ADCY1: variants seen among roughly 807,000 people sequenced by gnomAD.
ADCY1 encodes the protein adenylate cyclase 1.
Under a neutral mutation model 105.4 loss-of-function variants are expected in ADCY1, and 28 were observed. The observed-to-expected ratio is 0.27, with a 90% CI of 0.20 to 0.36. The LOEUF (loss-of-function observed/expected upper bound fraction) is 0.36. Among genes scored for constraint, ADCY1 ranks in the 10% least tolerant of loss-of-function variants. The pLI is 1.00. For synonymous variants in ADCY1, 655 were observed against 623.8 expected, an observed-to-expected ratio of 1.05 and a Z score of -0.75; for missense variants, 977 against 1,434.2, an observed-to-expected ratio of 0.68 and a Z score of 5.15.
At chr7:45,607,692 A>T (rs112143029) in intron 2 of ADCY1, among the ~76,000 whole-genome samples, 6,245 of 152,256 alleles carry the variant, frequency 0.041, 202 homozygotes, top group African/African-American at 0.088. Flanking sequence ...CGTAAGTGAG[A>T]ACATGTGGTA....
intron 8 of ADCY1, among the ~76,000 whole-genome samples, chr7:45,668,450 G>C (rs1472627551): frequency 2.6e-5 from 4 of 152,150 alleles, no homozygotes; most frequent in African/African-American, 9.7e-5. Flanking sequence ...TGTGTATGTT[G>C]AACCAGCCTT....
At chr7:45,651,252 C>T (rs1307660722) in intron 5 of ADCY1, among the ~76,000 whole-genome samples, 1 of 152,148 alleles carries the variant, frequency 6.6e-6, no homozygotes, top group Non-Finnish European at 1.5e-5. Context: ...ACAGACCCTT[C>T]TTCCTCCTCA....
In ADCY1 at chr7:45,574,990, C is replaced by A; in HGVS notation, c.447C>A (p.Ser149=). ...CGCTGGGCGGCCCCGCCCGGGGTTC[C>A]GCCGGGGCCGCTGGGGGGCCAGCGA... ...PFALGGPARG[S]AGAAGGPATA... is the part of the protein sequence containing the mutation. Residue 149 remains serine (S), a synonymous_variant, in exon 1 of 20, where the codon TCC becomes TCA. Transcript: ENST00000297323. The surrounding 1 kb of genome is among the most constrained non-coding windows in gnomAD (Gnocchi z 7.0). The A allele has an allele frequency of 6.2e-7, 1 of 1,610,824 alleles. No individual in the cohort carries two copies. Among genetic ancestry groups the A allele is most frequent in the Non-Finnish European group, 8.5e-7 (1 of 1,178,924 alleles).
In ADCY1 at chr7:45,716,203, C is replaced by T. The variant is rs1785355195; in HGVS notation, c.*2208C>T. 6.6e-6 allele frequency: 1 copy of T among 152,504 alleles called. No individual in the cohort carries two copies. The highest frequency in any genetic ancestry group is 1.5e-5 in the Non-Finnish European group (1 of 68,306). The allele number at this position is 152,504 out of a possible 1,614,324, so 9.4% of individuals were successfully genotyped here. A position where few individuals can be genotyped will look rare whatever the true frequency, so the allele number is the denominator to read the frequency against. On this transcript the variant is annotated 3_prime_UTR_variant, in exon 20 of 20. Transcript: ENST00000297323. ...CCTCTCGCTGCTACTGGGACATCCACAGGACCTAATGTTTATGTGGAATCT... is the reference window on the plus strand; with the variant it reads ...CCTCTCGCTGCTACTGGGACATCCATAGGACCTAATGTTTATGTGGAATCT...
intron 4 of ADCY1, among the ~76,000 whole-genome samples, chr7:45,625,523 ATG>A (rs1313971986): frequency 6.6e-6 from 1 of 152,120 alleles, no homozygotes; most frequent in Non-Finnish European, 1.5e-5. Context: ...ATGGGTGTGC[ATG>A]TGTGGGAATG....
intron 1 of ADCY1, among the ~76,000 whole-genome samples, chr7:45,588,794 GT>G (rs1792810035): frequency 6.6e-6 from 1 of 152,020 alleles, no homozygotes; most frequent in African/African-American, 2.4e-5. Context: ...GTGTTTCCAG[GT>G]GCTGGCTCTT....
At chr7:45,692,435 G>A (rs1159684259) in intron 14 of ADCY1, among the ~76,000 whole-genome samples, 1 of 152,136 alleles carries the variant, frequency 6.6e-6, no homozygotes, top group African/African-American at 2.4e-5. Context: ...TACAGTGAAG[G>A]GCGTGCCATG....
rs963625286 is a variant in ADCY1 at position 45,715,012 on chromosome 7, C to G, written c.*1017C>G. 3.3e-5 allele frequency: 5 copies of G among 152,222 alleles called. No individual in the cohort carries two copies. The highest frequency in any genetic ancestry group is 1.9e-4 in the East Asian group (1 of 5,200). 9.4% of individuals were successfully genotyped at this position (152,222 alleles called of 1,614,324 possible). The stretch of plus-strand genomic sequence containing the variant: ...ATGCTGTTTCTCCGGCAGAACCAAC[C>G]CTCCAGGACGAAGTTTCAGAATTGG... On this transcript the variant is annotated 3_prime_UTR_variant, in exon 20 of 20. Coordinates refer to ENST00000297323, the MANE Select transcript of ADCY1 (RefSeq NM_021116.4).
At chr7:45,648,257 A>G (rs1421392000) in intron 4 of ADCY1, among the ~76,000 whole-genome samples, 1 of 152,216 alleles carries the variant, frequency 6.6e-6, no homozygotes, top group Non-Finnish European at 1.5e-5. Context: ...GGAATCTAGC[A>G]CATTCCAGAG....
At chr7:45,689,491 G>T (rs552018933) in intron 14 of ADCY1, among the ~76,000 whole-genome samples, 1 of 152,198 alleles carries the variant, frequency 6.6e-6, no homozygotes, top group African/African-American at 2.4e-5. Flanking sequence ...GAGAGCAGGA[G>T]CAAGGGGGTG....
At chr7:45,642,105 C>T (rs1172597512) in intron 4 of ADCY1, among the ~76,000 whole-genome samples, 1 of 151,972 alleles carries the variant, frequency 6.6e-6, no homozygotes, top group Non-Finnish European at 1.5e-5. Context: ...GCCTGTAGAC[C>T]AGAGGGCATG....
At position 45,647,959 on chromosome 7, in the gene ADCY1, C is replaced by T. The variant is rs1252964709; in HGVS notation, c.1021-711C>T. On this transcript the variant is annotated intron_variant, in intron 4 of 19. Transcript: ENST00000297323. The surrounding 1 kb of genome is among the most constrained non-coding windows in gnomAD (Gnocchi z 4.6). The stretch of plus-strand genomic sequence containing the variant: ...TTAGAGCTGCTGTTTTAATGTTGTC[C>T]CTGAAATAAACACAACAGTCGTGAT... 1.3e-5 allele frequency among the ~76,000 whole-genome samples: 2 copies of T among 152,248 alleles called. No homozygotes were observed. The highest frequency in any genetic ancestry group is 1.9e-4 in the East Asian group (1 of 5,184).
At chr7:45,630,123 T>C (rs1794197077) in intron 4 of ADCY1, among the ~76,000 whole-genome samples, 1 of 152,200 alleles carries the variant, frequency 6.6e-6, no homozygotes. Context: ...TTGGGTTGAC[T>C]TTTTTCTTTT....
At chr7:45,666,128 T>G (rs1362770795) in intron 8 of ADCY1, among the ~76,000 whole-genome samples, 3 of 152,142 alleles carry the variant, frequency 2.0e-5, no homozygotes, top group African/African-American at 7.2e-5. Flanking sequence ...GTGTCTTTTC[T>G]TTTCTCTCTC....
At chr7:45,590,191 C>G (rs1792869627) in intron 1 of ADCY1, among the ~76,000 whole-genome samples, 1 of 152,206 alleles carries the variant, frequency 6.6e-6, no homozygotes. Context: ...ATCTTGACAA[C>G]TGACCCGCCA....
chr7:45,589,323 G>GC (rs1354589878), intron 1 of ADCY1, among the ~76,000 whole-genome samples: 2 of 152,152 alleles, frequency 1.3e-5, no homozygotes, highest in South Asian at 2.1e-4. Context: ...TGTGCAGATG[G>GC]CCCGGGCCGG....
intron 8 of ADCY1, among the ~76,000 whole-genome samples, chr7:45,677,090 T>C (rs1784470307): frequency 1.3e-5 from 2 of 152,078 alleles, no homozygotes; most frequent in African/African-American, 4.8e-5. Flanking sequence ...TCCTTTGAGT[T>C]GCAAGGTCCC....
chr7:45,649,547 A>G (rs573859028), intron 5 of ADCY1, among the ~76,000 whole-genome samples: 135 of 152,272 alleles, frequency 8.9e-4, no homozygotes, highest in African/African-American at 3.2e-3. Flanking sequence ...TTGTAGGGAG[A>G]TGATGGGTAG....
At chr7:45,667,264 C>T (rs1378746988) in intron 8 of ADCY1, among the ~76,000 whole-genome samples, 5 of 152,178 alleles carry the variant, frequency 3.3e-5, no homozygotes, top group African/African-American at 7.2e-5. Flanking sequence ...GGTTTTAGGT[C>T]TAACATTGAA....
Sources: allele counts gnomAD v4.1 joint callset (sites outside exome capture counted in the v4.1 genomes callset), GRCh38; gene constraint gnomAD v4.1.1; non-coding constraint Gnocchi (gnomAD v3.1); transcripts MANE v1.5; gene names NCBI Gene and HGNC (gene_info 2026-07-23, HGNC 2026-07-21).